Variants in COL24A1 observed in about 807,000 individuals in gnomAD.
COL24A1 encodes collagen alpha-1(XXIV) chain.
Under a neutral mutation model 253.9 loss-of-function variants are expected in COL24A1, and 224 were observed. The observed-to-expected ratio is 0.88, with a 90% CI of 0.79 to 0.99. COL24A1 has a LOEUF of 0.99. COL24A1 is among the 50% of genes least tolerant of loss of function. The pLI, the probability that COL24A1 is intolerant of heterozygous loss-of-function variation, is 0.00. For missense variants in COL24A1, 2,131 were observed against 2,068.5 expected (o/e 1.03, Z -0.59); for synonymous variants, 685 against 673.7 (o/e 1.02, Z -0.26).
intron 37 of COL24A1, 96 bp downstream of exon 37, chr1:85,868,423 A>G: frequency 2.6e-6 from 2 of 762,332 alleles, no homozygotes; most frequent in Non-Finnish European, 4.4e-6. Flanking sequence ...TCCACTGGAT[A>G]TATAAGGAGG....
At chr1:86,011,807 T>C (rs1696506200) in intron 19 of COL24A1, among the ~76,000 whole-genome samples, 1 of 152,244 alleles carries the variant, frequency 6.6e-6, no homozygotes, top group Non-Finnish European at 1.5e-5. Flanking sequence ...TGACTTCTTT[T>C]GTGATCTTAT....
At chr1:85,742,048 T>C (rs1220259921) in intron 57 of COL24A1, among the ~76,000 whole-genome samples, 1 of 152,164 alleles carries the variant, frequency 6.6e-6, no homozygotes, top group Non-Finnish European at 1.5e-5. Flanking sequence ...AGCTGCTTCT[T>C]AGTTTTGTTT....
intron 20 of COL24A1, among the ~76,000 whole-genome samples, chr1:85,977,512 G>T (rs1428192100): frequency 6.6e-6 from 1 of 152,088 alleles, no homozygotes; most frequent in African/African-American, 2.4e-5. Flanking sequence ...CAGAGAAACA[G>T]ATATCATAAA....
At chr1:85,829,216 G>T (rs1004784168) in intron 43 of COL24A1, among the ~76,000 whole-genome samples, 1 of 151,606 alleles carries the variant, frequency 6.6e-6, no homozygotes, top group Non-Finnish European at 1.5e-5. Flanking sequence ...ATTCTGGGTT[G>T]AAAATTCTTT....
chr1:85,971,672 C>T (rs987509716), intron 20 of COL24A1, among the ~76,000 whole-genome samples: 34 of 152,098 alleles, frequency 2.2e-4, no homozygotes, highest in African/African-American at 7.7e-4. Context: ...ATTTCTAAAA[C>T]GGAAGCAATG....
At chr1:85,945,865 C>T (rs1318925943) in intron 24 of COL24A1, among the ~76,000 whole-genome samples, 8 of 151,824 alleles carry the variant, frequency 5.3e-5, no homozygotes, top group Admixed American at 4.6e-4. Flanking sequence ...GATATAATTC[C>T]TCAAATAATG....
intron 45 of COL24A1, among the ~76,000 whole-genome samples, chr1:85,821,416 A>G (rs1289888411): frequency 1.3e-5 from 2 of 152,156 alleles, no homozygotes; most frequent in African/African-American, 4.8e-5. Context: ...GTAACTCATA[A>G]TCTCTCTGGG....
At chr1:85,850,164 A>T (rs750225375) in intron 37 of COL24A1, among the ~76,000 whole-genome samples, 1 of 152,188 alleles carries the variant, frequency 6.6e-6, no homozygotes, top group Non-Finnish European at 1.5e-5. Flanking sequence ...GTGGGGCACT[A>T]TATGAATTTT....
At chr1:86,101,833 G>A (rs61802178) in intron 5 of COL24A1, among the ~76,000 whole-genome samples, 13,145 of 152,134 alleles carry the variant, frequency 0.086, 590 homozygotes, top group Middle Eastern at 0.12. Flanking sequence ...CAAGGATGTT[G>A]GCATACAGTT....
intron 24 of COL24A1, among the ~76,000 whole-genome samples, chr1:85,927,388 G>A (rs1257336918): frequency 1.9e-4 from 28 of 149,758 alleles, no homozygotes; most frequent in African/African-American, 6.9e-4. Context: ...TTAAGAAACG[G>A]CGCACCACGA....
chr1:85,745,123 G>A (rs1172993734), intron 56 of COL24A1, among the ~76,000 whole-genome samples: 2 of 151,930 alleles, frequency 1.3e-5, no homozygotes, highest in Non-Finnish European at 2.9e-5. Context: ...AAATAAATGA[G>A]TAGTGATAAT....
intron 43 of COL24A1, among the ~76,000 whole-genome samples, chr1:85,829,118 G>C (rs935533629): frequency 6.7e-6 from 1 of 150,062 alleles, no homozygotes; most frequent in Admixed American, 6.7e-5. Flanking sequence ...GGGCAGGCCT[G>C]GTGGTGACAA....
chr1:86,042,990 C>A (rs1195232358), intron 12 of COL24A1, among the ~76,000 whole-genome samples: 2 of 152,116 alleles, frequency 1.3e-5, no homozygotes, highest in African/African-American at 4.8e-5. Context: ...GGTAGAAAGA[C>A]CTGAACTCAG....
intron 51 of COL24A1, 55 bp from the exon 52 acceptor site, chr1:85,781,328 ACTCC>A: frequency 2.7e-5 from 32 of 1,193,366 alleles, no homozygotes; most frequent in Non-Finnish European, 3.7e-5. Context: ...AAAAAAAAAA[ACTCC>A]ACAGAATCTC....
intron 19 of COL24A1, among the ~76,000 whole-genome samples, chr1:86,014,051 C>T (rs1004828055): frequency 4.6e-5 from 7 of 152,292 alleles, no homozygotes; most frequent in Admixed American, 2.6e-4. Flanking sequence ...CAACTTCTTT[C>T]TTCTTTTGAA....
rs1670732964 is a variant in COL24A1, at chr1:85,795,690, A to G, written c.3952-9229T>C. Among the ~76,000 whole-genome samples the G allele has an allele frequency of 3.3e-5, 5 of 152,236 alleles. No homozygotes were observed. In the South Asian group the frequency reaches 1.0e-3, roughly 32 times the overall value. ...GCCAGGCACCTTATGTGTACAGAGCATTATGTTTATATAGTTATTAACTAT... is the reference window on the plus strand; with the variant it reads ...GCCAGGCACCTTATGTGTACAGAGCGTTATGTTTATATAGTTATTAACTAT... On this transcript the variant is annotated intron_variant, in intron 47 of 59. Coordinates refer to ENST00000370571, the MANE Select transcript of COL24A1 (RefSeq NM_152890.7).
intron 19 of COL24A1, among the ~76,000 whole-genome samples, chr1:86,002,309 G>T (rs1021996152): frequency 6.6e-6 from 1 of 152,198 alleles, no homozygotes; most frequent in Non-Finnish European, 1.5e-5. Context: ...CACCCCTGCG[G>T]AGATCGCATA....
chr1:85,857,389 C>T (rs570148554), intron 37 of COL24A1, among the ~76,000 whole-genome samples: 1 of 147,668 alleles, frequency 6.8e-6, no homozygotes, highest in African/African-American at 2.5e-5. Context: ...CCACAACAGA[C>T]CTCAGAGACA....
In COL24A1 at chr1:85,900,464, C is replaced by T. The variant is rs143109135; in HGVS notation, c.2779-4055G>A. 1.6e-3 allele frequency among the ~76,000 whole-genome samples: 243 copies of T among 152,042 alleles called. 4 individuals are homozygous for T. The East Asian group carries it at 0.042, about 27-fold the overall frequency. On this transcript the variant is annotated intron_variant, in intron 28 of 59. Transcript: ENST00000370571. ...GATCAGCCTGGGTAAGATGGCAAGA[C>T]CCTGTCTCTACAAAAAATTTAAAAA...
Sources: gnomAD v4.1 joint callset for allele counts (sites outside exome capture counted in the v4.1 genomes callset) on GRCh38, gnomAD v4.1.1 for gene constraint, MANE v1.5 for transcripts, NCBI Gene and HGNC (gene_info 2026-07-23, HGNC 2026-07-21) for gene names.